The following RBFOX1 variants were observed in gnomAD, a reference collection of about 807,000 sequenced individuals.
RBFOX1 encodes the protein RNA binding protein fox-1 homolog 1.
A neutral mutation model predicts 57.7 loss-of-function variants in RBFOX1; 8 were observed. The observed-to-expected ratio is 0.14, with a 90% CI of 0.08 to 0.25. The LOEUF (loss-of-function observed/expected upper bound fraction) is 0.25. RBFOX1 is among the 10% of genes least tolerant of loss of function. The pLI, the probability that RBFOX1 is intolerant of heterozygous loss-of-function variation, is 1.00. For synonymous variants in RBFOX1, 326 were observed against 222.4 expected (o/e 1.47, Z -4.15); for missense variants, 611 against 548.5 (o/e 1.11, Z -1.14).
At chr16:5,292,918 C>G (rs192026245) in intron 1 of RBFOX1, among the ~76,000 whole-genome samples, 12 of 152,192 alleles carry the variant, frequency 7.9e-5, no homozygotes, top group Admixed American at 7.2e-4. Flanking sequence ...CCACTGTGCC[C>G]AGCCTGGAGT....
At chr16:5,710,415 C>T (rs1031894849) in intron 3 of RBFOX1, among the ~76,000 whole-genome samples, 4 of 152,142 alleles carry the variant, frequency 2.6e-5, no homozygotes, top group Non-Finnish European at 4.4e-5. Flanking sequence ...GGTAGCCTTG[C>T]GCAGTTGCGG....
rs183882256 is a variant in RBFOX1, at chr16:5,566,999, A to G, written c.259-31903A>G. On this transcript the variant is annotated intron_variant, in intron 2 of 2. Coordinates refer to the RBFOX1 transcript ENST00000585867. ...GCTGGGAGTCCAAATACCCTAACACATTTCTGTTCTCACTTTAACCAGAAA... is the reference window on the plus strand; with the variant it reads ...GCTGGGAGTCCAAATACCCTAACACGTTTCTGTTCTCACTTTAACCAGAAA... 2.6e-5 allele frequency among the ~76,000 whole-genome samples: 4 copies of G among 152,236 alleles called. No individual in the cohort carries two copies. The East Asian group carries it at 7.7e-4, about 29-fold the overall frequency.
At chr16:6,178,413 G>C (rs540942734) in intron 1 of RBFOX1, among the ~76,000 whole-genome samples, 11 of 152,024 alleles carry the variant, frequency 7.2e-5, no homozygotes, top group Middle Eastern at 3.4e-3. Flanking sequence ...TCAAACTCCT[G>C]ACCTCGTGAT....
intron 4 of RBFOX1, among the ~76,000 whole-genome samples, chr16:7,434,791 G>A (rs1340600827): frequency 6.6e-6 from 1 of 151,272 alleles, no homozygotes; most frequent in Non-Finnish European, 1.5e-5. Context: ...CCAGGCTGGA[G>A]TGCAGTGGTG....
At chr16:6,789,258 C>G (rs182387674) in intron 3 of RBFOX1, among the ~76,000 whole-genome samples, 1 of 152,272 alleles carries the variant, frequency 6.6e-6, no homozygotes, top group African/African-American at 2.4e-5. Context: ...AAGCCGCGAT[C>G]CCCATGGTTC....
chr16:5,941,288 A>G (rs1166455689), intron 4 of RBFOX1, among the ~76,000 whole-genome samples: 2 of 152,020 alleles, frequency 1.3e-5, no homozygotes, highest in African/African-American at 4.8e-5. Flanking sequence ...CCAGGAGTTC[A>G]AGACCAGCCT....
intron 3 of RBFOX1, among the ~76,000 whole-genome samples, chr16:5,605,483 G>T (rs971515195): frequency 1.3e-5 from 2 of 152,172 alleles, no homozygotes; most frequent in African/African-American, 4.8e-5. Context: ...GGAGGGGACA[G>T]TGGTGCCACT....
intron 2 of RBFOX1, among the ~76,000 whole-genome samples, chr16:6,417,375 A>G (rs2093652234): frequency 6.6e-6 from 1 of 151,424 alleles, no homozygotes; most frequent in Non-Finnish European, 1.5e-5. Context: ...TACTTGATCA[A>G]ATAAGAGTTT....
At chr16:7,494,830 C>CTTTTTTTTTTT (rs61434992) in intron 4 of RBFOX1, among the ~76,000 whole-genome samples, 2 of 125,444 alleles carry the variant, frequency 1.6e-5, no homozygotes, top group Non-Finnish European at 3.3e-5. Flanking sequence ...GTGTTACCTA[C>CTTTTTTTTTTT]TTTTTTTTTT....
intron 1 of RBFOX1, among the ~76,000 whole-genome samples, chr16:6,173,727 A>G (rs2096980549): frequency 6.7e-6 from 1 of 149,174 alleles, no homozygotes; most frequent in Non-Finnish European, 1.5e-5. Flanking sequence ...CTCCCGCCTG[A>G]ACCTCCAGAG....
At chr16:6,705,002 T>A (rs1489436254) in intron 3 of RBFOX1, 1 of 152,190 alleles carries the variant, frequency 6.6e-6, no homozygotes, top group Non-Finnish European at 1.5e-5. Flanking sequence ...TTTTTAACTT[T>A]AATCCGGAAC....
At chr16:7,151,956 C>T (rs1220191802) in intron 4 of RBFOX1, among the ~76,000 whole-genome samples, 1 of 152,122 alleles carries the variant, frequency 6.6e-6, no homozygotes, top group Non-Finnish European at 1.5e-5. Flanking sequence ...GCTTTGCTTG[C>T]TCACCTGCTG....
intron 4 of RBFOX1, among the ~76,000 whole-genome samples, chr16:7,458,679 T>A (rs2058995878): frequency 6.6e-6 from 1 of 152,146 alleles, no homozygotes; most frequent in Non-Finnish European, 1.5e-5. Flanking sequence ...GAATGCAATT[T>A]TTTTCAAGTT....
chr16:5,710,178 G>T (rs7196122), intron 3 of RBFOX1, among the ~76,000 whole-genome samples: 12,430 of 151,884 alleles, frequency 0.082, 1,717 homozygotes, highest in African/African-American at 0.28. Context: ...TTAGAGCCAA[G>T]GGTTATATGA....
At chr16:7,565,049 A>G (rs2091345033) in intron 5 of RBFOX1, among the ~76,000 whole-genome samples, 1 of 152,184 alleles carries the variant, frequency 6.6e-6, no homozygotes, top group African/African-American at 2.4e-5. Context: ...ACGGAGCTCA[A>G]ATGAAAAAGC....
At chr16:5,371,901 T>C (rs2065866696) in intron 1 of RBFOX1, among the ~76,000 whole-genome samples, 1 of 152,168 alleles carries the variant, frequency 6.6e-6, no homozygotes, top group Non-Finnish European at 1.5e-5. Flanking sequence ...AACGGGAGGT[T>C]TCCGACCAGT....
At chr16:5,938,783 C>G (rs2059221860) in intron 4 of RBFOX1, among the ~76,000 whole-genome samples, 1 of 152,160 alleles carries the variant, frequency 6.6e-6, no homozygotes, top group Non-Finnish European at 1.5e-5. Flanking sequence ...CACCACAAAG[C>G]AGGAGGAAGC....
intron 1 of RBFOX1, chr16:5,366,513 A>G (rs2065719765): frequency 4.6e-6 from 2 of 433,454 alleles, no homozygotes; most frequent in Non-Finnish European, 8.8e-6. Context: ...AAACTGCTAA[A>G]ACACCGAAAG....
intron 2 of RBFOX1, among the ~76,000 whole-genome samples, chr16:6,538,977 C>T (rs2096773428): frequency 6.6e-6 from 1 of 152,108 alleles, no homozygotes; most frequent in Non-Finnish European, 1.5e-5. Flanking sequence ...GGTGTTTTTA[C>T]CTCCAGGTAC....
Sources: allele counts gnomAD v4.1 joint callset (sites outside exome capture counted in the v4.1 genomes callset), GRCh38; gene constraint gnomAD v4.1.1; transcripts MANE v1.5; gene names NCBI Gene and HGNC (gene_info 2026-07-23, HGNC 2026-07-21).